The following SMURF2 variants were observed in gnomAD, a reference collection of about 807,000 sequenced individuals.
SMURF2 encodes SMAD specific E3 ubiquitin protein ligase 2.
A neutral mutation model predicts 109.6 loss-of-function variants in SMURF2; 48 were observed. The observed-to-expected ratio is 0.44, with a 90% CI of 0.35 to 0.56. The LOEUF (loss-of-function observed/expected upper bound fraction) is 0.56, where lower values mean the gene tolerates loss of function less well. Ranked by LOEUF, SMURF2 falls within the 20% of genes least tolerant of loss-of-function variation. The probability of loss-of-function intolerance (pLI) is 0.01; values close to 1 mark genes in which losing one functional copy is unlikely to be tolerated. For missense variants in SMURF2, 575 were observed against 909.0 expected (o/e 0.63, Z 4.72); for synonymous variants, 288 against 317.1 (o/e 0.91, Z 0.97).
intron 1 of SMURF2, among the ~76,000 whole-genome samples, chr17:64,610,796 T>C (rs1970033713): frequency 6.6e-6 from 1 of 152,170 alleles, no homozygotes; most frequent in South Asian, 2.1e-4. Context: ...ACTTTTTGAC[T>C]CTACTTCTTT....
chr17:64,604,102 AC>A (rs1555688829), intron 2 of SMURF2, among the ~76,000 whole-genome samples: 1 of 152,192 alleles, frequency 6.6e-6, no homozygotes, highest in Non-Finnish European at 1.5e-5. Flanking sequence ...GCAACCCTTA[AC>A]AGGTCAAAAA....
chr17:64,580,826 T>G lies in SMURF2; in HGVS notation c.735A>C (p.Thr245=). The part of the protein sequence containing the change: ...SQRHRNYMSR[T]HLHTPPDLPE... ...GTAGGTCTGGAGGAGTATGTAAATG[T>G]GTTCTGCTCATGTAATTTCTATGTC... The change falls in exon 8 of 19, where the codon ACA becomes ACC. Residue 245 remains threonine, a synonymous_variant. Coordinates refer to ENST00000262435, the MANE Select transcript of SMURF2 (RefSeq NM_022739.4). 6.2e-7 allele frequency: 1 copy of G among 1,614,190 alleles called. No individual in the cohort carries two copies. Among genetic ancestry groups the G allele is most frequent in the Non-Finnish European group, 8.5e-7 (1 of 1,180,026 alleles).
intron 2 of SMURF2, 45 bp from the exon 3 acceptor site, chr17:64,598,535 T>C (rs1969849268): frequency 1.4e-6 from 2 of 1,475,412 alleles, no homozygotes; most frequent in Admixed American, 1.9e-5. Flanking sequence ...ACATTTAAGA[T>C]AGAAGATTAA....
intron 1 of SMURF2, among the ~76,000 whole-genome samples, chr17:64,630,205 C>T (rs1555691474): frequency 2.0e-5 from 3 of 151,514 alleles, no homozygotes; most frequent in Non-Finnish European, 1.5e-5. Flanking sequence ...CACTGTACTC[C>T]AGCCTGGGCA....
intron 1 of SMURF2, among the ~76,000 whole-genome samples, chr17:64,653,472 A>T (rs78424874): frequency 2.7e-5 from 4 of 147,812 alleles, no homozygotes; most frequent in East Asian, 2.0e-4. Flanking sequence ...AAAAAAAAAA[A>T]TTTTTTTTTT....
At chr17:64,552,485 G>A (rs1419651095) in intron 15 of SMURF2, among the ~76,000 whole-genome samples, 4 of 152,254 alleles carry the variant, frequency 2.6e-5, no homozygotes, top group Admixed American at 2.0e-4. Flanking sequence ...TTGGAGGACC[G>A]TATTTTTGTT....
In SMURF2 at chr17:64,542,530, T is replaced by C. The variant is rs535960546; in HGVS notation, c.*3318A>G. ...TCTGAGAGAAGAATATTACATAAAG[T>C]GAACTAATTACATCTAGAAATAAAA... On this transcript the variant is annotated 3_prime_UTR_variant, in exon 19 of 19. Coordinates refer to ENST00000262435, the MANE Select transcript of SMURF2 (RefSeq NM_022739.4). 6.6e-6 allele frequency: 1 copy of C among 152,122 alleles called. No homozygotes were observed. Among genetic ancestry groups the C allele is most frequent in the Admixed American group, 6.5e-5 (1 of 15,288 alleles). The allele number at this position is 152,122 out of a possible 1,614,324, so 9.4% of individuals were successfully genotyped here. A position where few individuals can be genotyped will look rare whatever the true frequency, so the allele number is the denominator to read the frequency against.
intron 12 of SMURF2, among the ~76,000 whole-genome samples, chr17:64,558,025 G>T (rs782627160): frequency 6.6e-6 from 1 of 152,134 alleles, no homozygotes; most frequent in Non-Finnish European, 1.5e-5. Context: ...CGGTCCAGTG[G>T]TCTGTTACTT....
intron 1 of SMURF2, among the ~76,000 whole-genome samples, chr17:64,617,899 C>T (rs1028106633): frequency 6.6e-6 from 1 of 152,088 alleles, no homozygotes; most frequent in Non-Finnish European, 1.5e-5. Flanking sequence ...GTACTTTTTA[C>T]ATTAATAAAA....
chr17:64,584,775 C>A (rs1969630068), intron 6 of SMURF2, among the ~76,000 whole-genome samples: 2 of 152,114 alleles, frequency 1.3e-5, no homozygotes, highest in African/African-American at 4.8e-5. Flanking sequence ...GGTTGAAGGG[C>A]TCTAAAAGAC....
chr17:64,605,396 T>A (rs73993990), intron 2 of SMURF2, among the ~76,000 whole-genome samples: 12,314 of 151,872 alleles, frequency 0.081, 1,703 homozygotes, highest in African/African-American at 0.28. Flanking sequence ...CTCAAAATAA[T>A]AAAATTTCAA....
chr17:64,595,349 T>C (rs1407296002), intron 3 of SMURF2, among the ~76,000 whole-genome samples: 3 of 152,226 alleles, frequency 2.0e-5, no homozygotes, highest in Non-Finnish European at 4.4e-5. Flanking sequence ...TATTACCTTT[T>C]CTTATACATA....
chr17:64,652,072 CACTT>C (rs782013984), intron 1 of SMURF2, among the ~76,000 whole-genome samples: 46 of 152,284 alleles, frequency 3.0e-4, no homozygotes, highest in Middle Eastern at 3.4e-3. Context: ...GGTAAACAGA[CACTT>C]ACGTTAAGTC....
chr17:64,546,165 A>G, intron 18 of SMURF2, 98 bp downstream of exon 18: 1 of 1,207,380 alleles, frequency 8.3e-7, no homozygotes, highest in South Asian at 1.3e-5. Flanking sequence ...TTAAAGGCCC[A>G]TTTAACACTA....
At chr17:64,550,833 T>C (rs72844236) in intron 16 of SMURF2, among the ~76,000 whole-genome samples, 3 of 152,032 alleles carry the variant, frequency 2.0e-5, no homozygotes, top group East Asian at 1.9e-4. Context: ...TTCTCGATGA[T>C]CTTGTCTATC....
chr17:64,597,800 AAAAAG>A (rs202037584), intron 3 of SMURF2, among the ~76,000 whole-genome samples: 4,224 of 152,040 alleles, frequency 0.028, 74 homozygotes, highest in Non-Finnish European at 0.043. Context: ...CTAAAACTAA[AAAAAG>A]AAAACTGTGA....
In SMURF2 at chr17:64,621,878, A is replaced by AAAAT. The variant is rs782177558; in HGVS notation, c.53-15242_53-15239dup. 6.9e-3 allele frequency among the ~76,000 whole-genome samples: 997 copies of AAAAT among 144,760 alleles called. 4 individuals carry two copies. Among genetic ancestry groups the AAAAT allele is most frequent in the South Asian group, 0.02 (92 of 4,614 alleles). 95.0% of individuals were successfully genotyped at this position (144,760 alleles called of 152,430 possible). A position where few individuals can be genotyped will look rare whatever the true frequency, so the allele number is the denominator to read the frequency against. ...GGGTTACAGAGTAAGACTCTCTCTC[A>AAAAT]AAATAAATAAATAAATAAATAAATA... is the stretch of plus-strand genomic sequence containing the variant. On this transcript the variant is annotated intron_variant, in intron 1 of 18. Transcript: ENST00000262435.
intron 1 of SMURF2, among the ~76,000 whole-genome samples, chr17:64,635,431 C>T (rs1220228344): frequency 2.0e-5 from 3 of 152,098 alleles, no homozygotes; most frequent in Non-Finnish European, 4.4e-5. Flanking sequence ...ACAACCATCA[C>T]CAATATCTAA....
intron 1 of SMURF2, among the ~76,000 whole-genome samples, chr17:64,620,440 T>C (rs1411446342): frequency 2.0e-5 from 3 of 152,192 alleles, no homozygotes; most frequent in Non-Finnish European, 4.4e-5. Flanking sequence ...GTGTCAATGA[T>C]TCCTGTTTTC....
Sources: gnomAD v4.1 joint callset for allele counts (sites outside exome capture counted in the v4.1 genomes callset) on GRCh38, gnomAD v4.1.1 for gene constraint, MANE v1.5 for transcripts, NCBI Gene and HGNC (gene_info 2026-07-23, HGNC 2026-07-21) for gene names.